Variants in DCAF12 observed in about 807,000 individuals in gnomAD.
DCAF12 encodes the protein DDB1- and CUL4-associated factor 12.
Under a neutral mutation model 52.8 loss-of-function variants are expected in DCAF12, and 28 were observed. The ratio of observed to expected loss-of-function variants is 0.53; its 90% CI spans 0.39 to 0.73. The LOEUF is 0.73. Among genes scored for constraint, DCAF12 ranks in the 30% least tolerant of loss-of-function variants. DCAF12 has a pLI of 0.00. For synonymous variants in DCAF12, 196 were observed against 215.5 expected (o/e 0.91, Z 0.79); for missense variants, 425 against 552.2 (o/e 0.77, Z 2.31).
Position 34,089,487 on chromosome 9 carries a change from C to G in DCAF12, c.1128G>C (p.Arg376Ser), listed in dbSNP as rs367763901. The G allele has an allele frequency of 1.2e-6, 2 of 1,614,056 alleles. No individual in the cohort carries two copies. Among genetic ancestry groups the G allele is most frequent in the Admixed American group, 3.3e-5 (2 of 59,984 alleles). ...GCTTGGACCCATAACAAGCTGAGAG[C>G]CTCTCTTCCAGAAATCTCTGAGCTC... is the stretch of plus-strand genomic sequence containing the variant. ...DIRAQRFLEE[R>S]LSACYGSKPR... Residue 376 changes from arginine to serine, a missense_variant, in exon 8 of 9, where the codon AGG (arginine) becomes AGC (serine). This residue lies in a region of DCAF12 where 328 missense variants were observed against 444.4 expected (regional missense o/e 0.74). Transcript: ENST00000361264.
chr9:34,089,408 G>A lies in DCAF12; in HGVS notation c.1203+4C>T, dbSNP rs779806422. On this transcript the variant is annotated splice_donor_region_variant and intron_variant, in intron 8 of 8. Coordinates refer to ENST00000361264, the MANE Select transcript of DCAF12 (RefSeq NM_015397.4). ...GCAGTCATCTCAGGTAGGGGCTTAC[G>A]CACCAGCCAGCCTTTGCCAGTGGTT... The A allele has an allele frequency of 2.5e-6, 4 of 1,609,990 alleles. No individual in the cohort carries two copies. The highest frequency in any genetic ancestry group is 3.4e-6 in the Non-Finnish European group (4 of 1,177,664).
At chr9:34,109,459 T>C (rs1002704748) in intron 2 of DCAF12, 2 of 183,844 alleles carry the variant, frequency 1.1e-5, no homozygotes, top group African/African-American at 4.7e-5. Flanking sequence ...TTGTGGGGGA[T>C]TCAATGAACA....
At chr9:34,099,594 T>C (rs1587733646) in intron 4 of DCAF12, among the ~76,000 whole-genome samples, 1 of 150,400 alleles carries the variant, frequency 6.6e-6, no homozygotes, top group South Asian at 2.1e-4. Context: ...TTATTTTTCT[T>C]TTTTTTCCCT....
rs145115184 is a variant in DCAF12 at position 34,118,322 on chromosome 9, C to T, written c.333+6701G>A. On this transcript the variant is annotated intron_variant, in intron 2 of 8. Coordinates refer to ENST00000361264, the MANE Select transcript of DCAF12 (RefSeq NM_015397.4). ...CTAATTTTTGTGTTTTTAGTAGAGA[C>T]GGGATTTCATCATGTTGGCCGGGCT... Among the ~76,000 whole-genome samples the T allele has an allele frequency of 5.9e-3, 898 of 152,118 alleles. 6 individuals carry two copies. Among genetic ancestry groups the T allele is most frequent in the African/African-American group, 0.02 (850 of 41,492 alleles).
intron 7 of DCAF12, among the ~76,000 whole-genome samples, chr9:34,091,097 T>C (rs1222376345): frequency 1.3e-5 from 2 of 151,800 alleles, no homozygotes; most frequent in Non-Finnish European, 2.9e-5. Context: ...AGGCCCAAGG[T>C]GAGTGGATCA....
intron 2 of DCAF12, among the ~76,000 whole-genome samples, chr9:34,111,344 C>G (rs1372510345): frequency 2.0e-5 from 3 of 152,088 alleles, no homozygotes; most frequent in Non-Finnish European, 4.4e-5. Flanking sequence ...TCAGATATGT[C>G]CTCTTGGACT....
At chr9:34,112,390 C>T (rs1243109128) in intron 2 of DCAF12, among the ~76,000 whole-genome samples, 1 of 151,116 alleles carries the variant, frequency 6.6e-6, no homozygotes, top group East Asian at 2.0e-4. Context: ...GGGGTCAGGA[C>T]TTCAAGACCA....
intron 3 of DCAF12, 26 bp from the exon 4 acceptor site, chr9:34,106,520 C>G: frequency 6.3e-7 from 1 of 1,583,376 alleles, no homozygotes; most frequent in Non-Finnish European, 8.7e-7. Flanking sequence ...GTAACAGGTA[C>G]AGGGAGGAAA....
chr9:34,112,755 G>A lies in DCAF12; in HGVS notation c.334-5190C>T, dbSNP rs149710701. ...CTCTACTAAAAATACAAAATTAGCC[G>A]GGTGTGGTGGCACATGCCTGTAATC... On this transcript the variant is annotated intron_variant, in intron 2 of 8. Transcript: ENST00000361264. Among the ~76,000 whole-genome samples the A allele has an allele frequency of 8.0e-5, 12 of 149,144 alleles. No individual in the cohort carries two copies. In the East Asian group the frequency reaches 1.8e-3, roughly 23 times the overall value.
chr9:34,103,202 G>C (rs1209584796), intron 4 of DCAF12, among the ~76,000 whole-genome samples: 1 of 149,926 alleles, frequency 6.7e-6, no homozygotes, highest in Non-Finnish European at 1.5e-5. Context: ...ACGAGGTCAG[G>C]AGTTCAAGAC....
At position 34,107,481 on chromosome 9, in the gene DCAF12, C is replaced by A; in HGVS notation, c.418G>T (p.Gly140Cys). 6.2e-7 allele frequency: 1 copy of A among 1,614,144 alleles called. No individual in the cohort carries two copies. Among genetic ancestry groups the A allele is most frequent in the Non-Finnish European group, 8.5e-7 (1 of 1,180,014 alleles). ...AGCTCGATGGCATGGATACCACAGCCCTGCTGGGTCACACCTCCAGGCTCC... is the reference window on the plus strand; with the variant it reads ...AGCTCGATGGCATGGATACCACAGCACTGCTGGGTCACACCTCCAGGCTCC... Reference protein sequence around the residue: ...DREPGGVTQQGCGIHAIELNP... With the variant: ...DREPGGVTQQCCGIHAIELNP... The change falls in exon 3 of 9, where the codon GGC (glycine) becomes TGC (cysteine). Residue 140 changes from glycine to cysteine, a missense_variant. Physicochemically the swap from Gly to Cys is radical, Grantham distance 159. This residue lies in a region of DCAF12 where 328 missense variants were observed against 444.4 expected (regional missense o/e 0.74). Transcript: ENST00000361264.
chr9:34,119,187 C>A (rs1040540350), intron 2 of DCAF12, among the ~76,000 whole-genome samples: 9 of 152,120 alleles, frequency 5.9e-5, no homozygotes, highest in African/African-American at 2.2e-4. Flanking sequence ...TTTTGAGCCC[C>A]TACTTCGGTC....
intron 2 of DCAF12, among the ~76,000 whole-genome samples, chr9:34,118,594 G>A (rs964506817): frequency 1.3e-5 from 2 of 152,150 alleles, no homozygotes; most frequent in African/African-American, 2.4e-5. Context: ...TCCCTAACTT[G>A]CAAACTACTG....
At chr9:34,114,993 A>G (rs1391608039) in intron 2 of DCAF12, among the ~76,000 whole-genome samples, 1 of 152,088 alleles carries the variant, frequency 6.6e-6, no homozygotes, top group African/African-American at 2.4e-5. Flanking sequence ...AAAAACAAAA[A>G]AAAGAGGAAG....
intron 2 of DCAF12, among the ~76,000 whole-genome samples, chr9:34,112,326 T>C (rs1829016569): frequency 6.6e-6 from 1 of 152,178 alleles, no homozygotes; most frequent in Admixed American, 6.6e-5. Flanking sequence ...CTGAGCGTGG[T>C]GGTTCACGCC....
chr9:34,118,474 C>T lies in DCAF12; in HGVS notation c.333+6549G>A, dbSNP rs185279415. On this transcript the variant is annotated intron_variant, in intron 2 of 8. Transcript: ENST00000361264. ...TATACTCAAGGATGCTAACAGTTAA[C>T]GTGTAAGTTATTCAGGAGAAAATCT... 3.9e-5 allele frequency among the ~76,000 whole-genome samples: 6 copies of T among 152,204 alleles called. No homozygotes were observed. The East Asian group carries it at 9.7e-4, about 24-fold the overall frequency.
At chr9:34,102,014 CA>C (rs141617386) in intron 4 of DCAF12, among the ~76,000 whole-genome samples, 43,904 of 130,052 alleles carry the variant, frequency 0.34, 6,756 homozygotes, top group Non-Finnish European at 0.39. Flanking sequence ...GACCCTGTCG[CA>C]AAAAAAAAAA....
At chr9:34,122,372 C>T (rs994613228) in intron 2 of DCAF12, among the ~76,000 whole-genome samples, 21 of 152,148 alleles carry the variant, frequency 1.4e-4, no homozygotes, top group African/African-American at 4.3e-4. Flanking sequence ...TTACTCTCTG[C>T]CAAGCTTCAA....
At chr9:34,106,371 T>A (rs1828903704) in intron 4 of DCAF12, 63 bp downstream of exon 4, 1 of 1,414,830 alleles carries the variant, frequency 7.1e-7, no homozygotes, top group Non-Finnish European at 9.8e-7. Context: ...CTACTATCCC[T>A]TTTCAATCTC....
Sources: gnomAD v4.1 joint callset for allele counts (sites outside exome capture counted in the v4.1 genomes callset) on GRCh38, gnomAD v4.1.1 for gene constraint, gnomAD v4.1.1 regional missense constraint, MANE v1.5 for transcripts, NCBI Gene and HGNC (gene_info 2026-07-23, HGNC 2026-07-21) for gene names.